The following COLGALT2 variants were observed in gnomAD, a reference collection of about 807,000 sequenced individuals.
COLGALT2 encodes the protein procollagen galactosyltransferase 2.
Under a neutral mutation model 73.4 loss-of-function variants are expected in COLGALT2, and 49 were observed. The ratio of observed to expected loss-of-function variants is 0.67; its 90% CI spans 0.53 to 0.85. The LOEUF is 0.85. Among genes scored for constraint, COLGALT2 ranks in the 40% least tolerant of loss-of-function variants. The pLI, the probability that COLGALT2 is intolerant of heterozygous loss-of-function variation, is 0.00. For missense variants in COLGALT2, 722 were observed against 790.2 expected (o/e 0.91, Z 1.03); for synonymous variants, 295 against 307.6 (o/e 0.96, Z 0.43).
At position 183,936,520 on chromosome 1, in the gene COLGALT2, A is replaced by C; in HGVS notation, c.*2241T>G. ...ATCTGTCAGACCAGCTGACAGGGGA[A>C]CAGGAAAAAAAAAATTCTCTATTAA... is the stretch of plus-strand genomic sequence containing the variant. On this transcript the variant is annotated 3_prime_UTR_variant, in exon 12 of 12. Coordinates refer to ENST00000361927, the MANE Select transcript of COLGALT2 (RefSeq NM_015101.4). 9.8e-7 allele frequency: 1 copy of C among 1,023,640 alleles called. No homozygotes were observed. Among genetic ancestry groups the C allele is most frequent in the Non-Finnish European group, 1.2e-6 (1 of 855,342 alleles). The allele number at this position is 1,023,640 out of a possible 1,614,324, so 63.4% of individuals were successfully genotyped here. A position where few individuals can be genotyped will look rare whatever the true frequency, so the allele number is the denominator to read the frequency against.
At chr1:183,977,812 AAG>A (rs59481089) in intron 2 of COLGALT2, among the ~76,000 whole-genome samples, 2,899 of 52,322 alleles carry the variant, frequency 0.055, 68 homozygotes, top group African/African-American at 0.08. Context: ...GAAAGAGAGA[AAG>A]AGAGAGAGAG....
At chr1:183,953,332 T>C (rs1256700805) in intron 7 of COLGALT2, among the ~76,000 whole-genome samples, 2 of 152,114 alleles carry the variant, frequency 1.3e-5, no homozygotes, top group East Asian at 1.9e-4. Flanking sequence ...CTCAGGAAAG[T>C]AGAGTCTCCG....
intron 2 of COLGALT2, among the ~76,000 whole-genome samples, chr1:183,976,012 A>G (rs1033312419): frequency 6.6e-6 from 1 of 152,240 alleles, no homozygotes; most frequent in African/African-American, 2.4e-5. Flanking sequence ...TATGTACAGC[A>G]CAGGAATTCT....
chr1:183,963,940 C>T lies in COLGALT2; in HGVS notation c.913G>A (p.Asp305Asn). The T allele has an allele frequency of 6.2e-7, 1 of 1,612,620 alleles. No individual in the cohort carries two copies. The change falls in exon 6 of 12, where the codon GAC becomes AAC. Residue 305 changes from aspartate (D) to asparagine (N), a missense_variant. Physicochemically the swap from Asp to Asn is conservative, Grantham distance 23. Transcript: ENST00000361927. Reference sequence around the variant, plus strand: ...TGCACATGGATGAGGTTCTCGATGTCTTCCTGCAGTGTCTGATGGGGCTTC... The same window carrying T: ...TGCACATGGATGAGGTTCTCGATGTTTTCCTGCAGTGTCTGATGGGGCTTC... Reference protein sequence around the residue: ...PLKPHQTLQEDIENLIHVQIE... With the variant: ...PLKPHQTLQENIENLIHVQIE...
intron 1 of COLGALT2, among the ~76,000 whole-genome samples, chr1:184,031,817 A>T (rs1326353448): frequency 7.2e-6 from 1 of 139,190 alleles, no homozygotes; most frequent in African/African-American, 2.7e-5. Flanking sequence ...CCATGAATGT[A>T]TCCTTCCTTC....
intron 2 of COLGALT2, 94 bp from the exon 3 acceptor site, chr1:183,975,308 A>T: frequency 1.4e-6 from 1 of 697,458 alleles, no homozygotes; most frequent in Non-Finnish European, 2.4e-6. Context: ...TCTTCTATCA[A>T]TCCCAGGAAG....
At chr1:183,980,651 C>A (rs1460946867) in intron 1 of COLGALT2, among the ~76,000 whole-genome samples, 1 of 152,026 alleles carries the variant, frequency 6.6e-6, no homozygotes, top group Non-Finnish European at 1.5e-5. Flanking sequence ...CAATGCTATA[C>A]AGCTTGTTAT....
Position 184,016,703 on chromosome 1 carries a change from T to G in COLGALT2, c.263+20392A>C, listed in dbSNP as rs531172746. 7.9e-5 allele frequency among the ~76,000 whole-genome samples: 12 copies of G among 152,300 alleles called. No homozygotes were observed. In the East Asian group the frequency reaches 2.3e-3, roughly 29 times the overall value. ...AATTAAATTTCAAAAGTGAATTTTT[T>G]ATATAAAAATATATAAAGTAACTAT... is the stretch of plus-strand genomic sequence containing the variant. On this transcript the variant is annotated intron_variant, in intron 1 of 11. Coordinates refer to ENST00000361927, the MANE Select transcript of COLGALT2 (RefSeq NM_015101.4).
intron 4 of COLGALT2, 124 bp from the exon 5 acceptor site, chr1:183,969,597 C>G: frequency 1.4e-6 from 1 of 693,984 alleles, no homozygotes; most frequent in Admixed American, 3.6e-5. Flanking sequence ...AACAAAGCCA[C>G]CTTCACTCCT....
In COLGALT2 at chr1:183,978,513, T is replaced by G. The variant is rs972142908; in HGVS notation, c.271A>C (p.Thr91Pro). ...GTTGTATTATCCACATTGTGATCAG[T>G]GGCTGCCCTGCATGAGAGAAAGCAC... ...PKSRMAIWAATDHNVDNTTEI... is the reference protein window; with the variant it reads ...PKSRMAIWAAPDHNVDNTTEI... The change falls in exon 2 of 12, where the codon ACT becomes CCT. Residue 91 changes from threonine to proline, a missense_variant. Transcript: ENST00000361927. 6.3e-7 allele frequency: 1 copy of G among 1,594,898 alleles called. No homozygotes were observed. The highest frequency in any genetic ancestry group is 1.7e-5 in the Admixed American group (1 of 59,814).
At chr1:183,963,762 G>C (rs1249990310) in intron 6 of COLGALT2, 139 bp downstream of exon 6, 1 of 932,912 alleles carries the variant, frequency 1.1e-6, no homozygotes, top group African/African-American at 1.7e-5. Flanking sequence ...AGGAAAGAAT[G>C]AACAAATAAA....
intron 2 of COLGALT2, among the ~76,000 whole-genome samples, 189 bp from the exon 3 acceptor site, chr1:183,975,403 A>C (rs1188170091): frequency 2.0e-5 from 3 of 152,202 alleles, no homozygotes; most frequent in Non-Finnish European, 2.9e-5. Context: ...CTCACTGCTC[A>C]TTGTATACAA....
intron 1 of COLGALT2, among the ~76,000 whole-genome samples, chr1:183,979,714 A>G (rs1671297817): frequency 6.6e-6 from 1 of 152,120 alleles, no homozygotes; most frequent in South Asian, 2.1e-4. Context: ...GAAACTGTAA[A>G]GAAAAACAGA....
intron 1 of COLGALT2, among the ~76,000 whole-genome samples, chr1:184,028,850 A>G (rs948353890): frequency 8.5e-5 from 13 of 152,340 alleles, no homozygotes; most frequent in African/African-American, 3.1e-4. Context: ...ATTATTTTGC[A>G]TTATGTTTGC....
At chr1:183,990,062 A>AT (rs539013309) in intron 1 of COLGALT2, among the ~76,000 whole-genome samples, 348 of 152,328 alleles carry the variant, frequency 2.3e-3, no homozygotes, top group Non-Finnish European at 3.8e-3. Flanking sequence ...ACAGCCTACC[A>AT]TTTTTTAAGA....
At chr1:184,008,656 A>C (rs555413679) in intron 1 of COLGALT2, among the ~76,000 whole-genome samples, 12 of 152,250 alleles carry the variant, frequency 7.9e-5, no homozygotes, top group African/African-American at 2.9e-4. Flanking sequence ...CTTGAGCCCC[A>C]GAGTTCAAGG....
intron 1 of COLGALT2, among the ~76,000 whole-genome samples, chr1:184,030,513 A>C (rs1327823792): frequency 6.6e-6 from 1 of 152,194 alleles, no homozygotes; most frequent in African/African-American, 2.4e-5. Context: ...GTCCTACTAT[A>C]CTGTGCCATA....
chr1:183,931,910 T>C (rs1276599438), downstream of COLGALT2, among the ~76,000 whole-genome samples: 1 of 151,708 alleles, frequency 6.6e-6, no homozygotes, highest in East Asian at 1.9e-4. Flanking sequence ...GGGAGAAGCA[T>C]TCTAAATGAG....
In COLGALT2 at chr1:183,938,034, G is replaced by GT. The variant is rs1436345448; in HGVS notation, c.*726dup. The GT allele has an allele frequency of 1.5e-5, 15 of 985,274 alleles. No individual in the cohort carries two copies. The highest frequency in any genetic ancestry group is 1.8e-5 in the Non-Finnish European group (15 of 829,954). The allele number at this position is 985,274 out of a possible 1,614,324, so 61.0% of individuals were successfully genotyped here. A position where few individuals can be genotyped will look rare whatever the true frequency, so the allele number is the denominator to read the frequency against. On this transcript the variant is annotated 3_prime_UTR_variant, in exon 12 of 12. Coordinates refer to ENST00000361927, the MANE Select transcript of COLGALT2 (RefSeq NM_015101.4). ...CCATAATAAAAAAGCCAAACATTGAGTTTTTTCCCTCAAATACCTACACAA... is the reference window on the plus strand; with the variant it reads ...CCATAATAAAAAAGCCAAACATTGAGTTTTTTTCCCTCAAATACCTACACAA...
Sources: gnomAD v4.1 joint callset for allele counts (sites outside exome capture counted in the v4.1 genomes callset) on GRCh38, gnomAD v4.1.1 for gene constraint, MANE v1.5 for transcripts, NCBI Gene and HGNC (gene_info 2026-07-23, HGNC 2026-07-21) for gene names.